The following CASC3 variants were observed in gnomAD, a reference collection of about 807,000 sequenced individuals.
CASC3 encodes the protein protein CASC3.
A neutral mutation model predicts 80.5 loss-of-function variants in CASC3; 30 were observed. The ratio of observed to expected loss-of-function variants is 0.37; its 90% confidence interval spans 0.28 to 0.51. The LOEUF (loss-of-function observed/expected upper bound fraction) is 0.51. CASC3 is among the 20% of genes least tolerant of loss of function. CASC3 has a pLI of 0.94. For synonymous variants in CASC3, 312 were observed against 333.6 expected (o/e 0.94, Z 0.70); for missense variants, 824 against 922.2 (o/e 0.89, Z 1.38).
chr17:40,143,104 T>C (rs1453004360), intron 3 of CASC3, among the ~76,000 whole-genome samples: 1 of 144,696 alleles, frequency 6.9e-6, no homozygotes, highest in African/African-American at 2.6e-5. Context: ...AAAAAATAAA[T>C]AAATAAAAGA....
At position 40,169,363 on chromosome 17, in the gene CASC3, C is replaced by G. The variant is rs148356615; in HGVS notation, c.2005C>G (p.Pro669Ala). The change falls in exon 12 of 14, where the codon CCC (proline) becomes GCC (alanine). Residue 669 changes from proline (P) to alanine (A), a missense_variant. By Grantham distance (27) the Pro-to-Ala change is conservative. Transcript: ENST00000264645. ...ATATGGAGGAGTGACCTACTATAAC[C>G]CCGCCCAGCAGCAGGTGCAGCCAAA... ...QVYGGVTYYN[P>A]AQQQVQPKPS... 6 of 1,613,126 alleles carry G rather than the reference C, an allele frequency of 3.7e-6. No homozygotes were observed. Among genetic ancestry groups the G allele is most frequent in the Non-Finnish European group, 5.1e-6 (6 of 1,179,666 alleles).
In CASC3 at chr17:40,164,750, C is replaced by CTTTTTTTTTT. The variant is rs1022035416; in HGVS notation, c.1471+598_1471+607dup. Among the ~76,000 whole-genome samples the CTTTTTTTTTT allele has an allele frequency of 3.4e-3, 251 of 74,438 alleles. 51 individuals are homozygous for CTTTTTTTTTT. Among genetic ancestry groups the CTTTTTTTTTT allele is most frequent in the African/African-American group, 0.015 (224 of 14,724 alleles). The allele number at this position is 74,438 out of a possible 152,430, so 48.8% of individuals were successfully genotyped here. A position where few individuals can be genotyped will look rare whatever the true frequency, so the allele number is the denominator to read the frequency against. ...GTGAGCCACAGCCACCGTGCCTGGC[C>CTTTTTTTTTT]TTTTTTTTTTTTTTTTTTTTTTTGT... is the stretch of plus-strand genomic sequence containing the variant. On this transcript the variant is annotated intron_variant, in intron 7 of 13. Coordinates refer to ENST00000264645, the MANE Select transcript of CASC3 (RefSeq NM_007359.5).
At chr17:40,143,215 G>C (rs965975564) in intron 3 of CASC3, among the ~76,000 whole-genome samples, 6 of 152,194 alleles carry the variant, frequency 3.9e-5, no homozygotes, top group African/African-American at 1.4e-4. Flanking sequence ...GGAGGCCAAG[G>C]TGGGCCAGTC....
chr17:40,151,304 G>A (rs528631942), intron 3 of CASC3, among the ~76,000 whole-genome samples: 2 of 152,222 alleles, frequency 1.3e-5, no homozygotes, highest in South Asian at 2.1e-4. Context: ...TTGACCCTCT[G>A]GGGTTCAAGT....
Position 40,161,924 on chromosome 17 carries a change from C to T in CASC3, c.456+13C>T. 5.6e-6 allele frequency: 9 copies of T among 1,613,672 alleles called. No individual in the cohort carries two copies. The highest frequency in any genetic ancestry group is 7.6e-6 in the Non-Finnish European group (9 of 1,179,858). On this transcript the variant is annotated intron_variant, in intron 4 of 13. Transcript: ENST00000264645. The stretch of plus-strand genomic sequence containing the variant: ...TGGGGACGGACAGGTTAGTACATTC[C>T]ACAGTCCTCCATTTTAGAGGCTGGA...
chr17:40,162,048 A>G lies in CASC3; in HGVS notation c.503A>G (p.Lys168Arg). 1 of 1,614,112 alleles carries G rather than the reference A, an allele frequency of 6.2e-7. No individual in the cohort carries two copies. The highest frequency in any genetic ancestry group is 8.5e-7 in the Non-Finnish European group (1 of 1,180,010). ...AACAAAGTGGGTAAAAAGGGCCCTA[A>G]GCATTTGGATGATGATGAAGATCGG... ...VENKVGKKGP[K>R]HLDDDEDRKN... The change falls in exon 5 of 14, where the codon AAG becomes AGG. Residue 168 changes from lysine (K) to arginine (R), a missense_variant. Physicochemically the swap from Lys to Arg is conservative, Grantham distance 26 (BLOSUM62 2). Transcript: ENST00000264645.
intron 3 of CASC3, among the ~76,000 whole-genome samples, chr17:40,147,446 C>G (rs1248765464): frequency 2.6e-5 from 4 of 151,880 alleles, no homozygotes; most frequent in Non-Finnish European, 5.9e-5. Flanking sequence ...TGAGACCCAC[C>G]TGGGCAACAT....
intron 13 of CASC3, among the ~76,000 whole-genome samples, chr17:40,170,238 A>G (rs1447818423): frequency 1.3e-5 from 2 of 152,220 alleles, no homozygotes; most frequent in Non-Finnish European, 2.9e-5. Context: ...GCAGTCAAGG[A>G]AAAGGGAAAT....
intron 13 of CASC3, 132 bp downstream of exon 13, chr17:40,169,794 T>G: frequency 1.9e-6 from 1 of 529,450 alleles, no homozygotes; most frequent in Non-Finnish European, 3.1e-6. Flanking sequence ...CTCAGTCTGT[T>G]ATCCAGGCTG....
intron 3 of CASC3, among the ~76,000 whole-genome samples, chr17:40,154,245 C>CTGTA (rs1396456805): frequency 6.6e-6 from 1 of 151,100 alleles, no homozygotes; most frequent in Non-Finnish European, 1.5e-5. Context: ...CAAGGTCTTG[C>CTGTA]TGTATTATCC....
At chr17:40,141,052 C>A (rs911651902) in intron 1 of CASC3, 155 bp from the exon 2 acceptor site, 4 of 730,134 alleles carry the variant, frequency 5.5e-6, no homozygotes, top group South Asian at 1.7e-5. Context: ...GGAGACCAGA[C>A]CTGCCTTGGC....
chr17:40,148,490 G>C (rs1988914986), intron 3 of CASC3, among the ~76,000 whole-genome samples: 1 of 151,954 alleles, frequency 6.6e-6, no homozygotes, highest in Non-Finnish European at 1.5e-5. Flanking sequence ...TTAGCCTCCT[G>C]AGTAGCTGGG....
Position 40,164,170 on chromosome 17 carries a change from G to T in CASC3, c.1471+4G>T, listed in dbSNP as rs778253087. 21 of 1,590,108 alleles carry T rather than the reference G, an allele frequency of 1.3e-5. No individual in the cohort carries two copies. The highest frequency in any genetic ancestry group is 1.5e-5 in the Non-Finnish European group (18 of 1,171,030). The stretch of plus-strand genomic sequence containing the variant: ...CTGCAACCACGGGAACTTCGAGGTA[G>T]GTATCATAGGATTGGTGGCTAGCTT... On this transcript the variant is annotated splice_donor_region_variant and intron_variant, in intron 7 of 13. Transcript: ENST00000264645.
intron 3 of CASC3, among the ~76,000 whole-genome samples, chr17:40,151,301 T>G (rs1038478558): frequency 2.6e-5 from 4 of 152,138 alleles, no homozygotes; most frequent in Admixed American, 2.6e-4. Context: ...AACTTGACCC[T>G]CTGGGGTTCA....
intron 3 of CASC3, 74 bp from the exon 4 acceptor site, chr17:40,161,679 T>G: frequency 7.6e-7 from 1 of 1,319,438 alleles, no homozygotes; most frequent in East Asian, 2.3e-5. Context: ...TGTTTTGGGG[T>G]TGGGGGCAGG....
At chr17:40,157,058 G>A (rs933659944) in intron 3 of CASC3, among the ~76,000 whole-genome samples, 1 of 151,716 alleles carries the variant, frequency 6.6e-6, no homozygotes, top group Non-Finnish European at 1.5e-5. Flanking sequence ...AAAATAAAAG[G>A]GGGTTGGCCG....
chr17:40,163,701 G>T lies in CASC3; in HGVS notation c.1006G>T (p.Gly336Cys). The change falls in exon 7 of 14, where the codon GGT (glycine) becomes TGT (cysteine). Residue 336 changes from glycine to cysteine, a missense_variant. Gly to Cys is a radical substitution (Grantham distance 159, BLOSUM62 -3). This residue lies in a region of CASC3 where 464 missense variants were observed against 506.0 expected (regional missense o/e 0.92). Coordinates refer to ENST00000264645, the MANE Select transcript of CASC3 (RefSeq NM_007359.5). ...GCCTGTGGAAGCTGGTGGGCAGCAT[G>T]GTGGCCGGTCTGGTGAGACTGTTAA... ...FRPVEAGGQH[G>C]GRSGETVKHE... 1 of 1,614,166 alleles carries T rather than the reference G, an allele frequency of 6.2e-7. No individual in the cohort carries two copies. The highest frequency in any genetic ancestry group is 1.3e-5 in the African/African-American group (1 of 75,036).
At position 40,140,624 on chromosome 17, in the gene CASC3, G is replaced by A. The variant is rs747983753; in HGVS notation, c.76G>A (p.Gly26Ser). 1.1e-4 allele frequency: 181 copies of A among 1,610,646 alleles called. 1 individual carries two copies. Among genetic ancestry groups the A allele is most frequent in the Admixed American group, 4.0e-4 (24 of 59,942 alleles). ...EESGASGSDSGGSPLRGGGSC... is the reference protein window; with the variant it reads ...EESGASGSDSSGSPLRGGGSC... ...ATCTGGTGCTTCGGGCTCCGACAGCGGCGGCTCCCCGTTGCGGGGAGGCGG... is the reference window on the plus strand; with the variant it reads ...ATCTGGTGCTTCGGGCTCCGACAGCAGCGGCTCCCCGTTGCGGGGAGGCGG... The change falls in exon 1 of 14, where the codon GGC becomes AGC. Residue 26 changes from glycine to serine, a missense_variant. By Grantham distance (56) the Gly-to-Ser change is moderately conservative. Transcript: ENST00000264645.
intron 3 of CASC3, among the ~76,000 whole-genome samples, chr17:40,142,509 C>T (rs965698021): frequency 3.3e-5 from 5 of 152,170 alleles, no homozygotes; most frequent in Admixed American, 6.5e-5. Flanking sequence ...CAGTGGCTCA[C>T]GCCTGTAATC....
Sources: gnomAD v4.1 joint callset for allele counts (sites outside exome capture counted in the v4.1 genomes callset) on GRCh38, gnomAD v4.1.1 for gene constraint, gnomAD v4.1.1 regional missense constraint, MANE v1.5 for transcripts, NCBI Gene and HGNC (gene_info 2026-07-23, HGNC 2026-07-21) for gene names.